CALHM4: variants seen among roughly 807,000 people sequenced by gnomAD.
CALHM4 encodes calcium homeostasis modulator family member 4, also known as calcium homeostasis modulator protein 4.
CALHM4 carries 16 observed loss-of-function variants against 13.3 expected under a neutral mutation model. The observed-to-expected ratio is 1.20, with a 90% CI of 0.81 to 1.82. The LOEUF is 1.82. Among genes scored for constraint, CALHM4 ranks in the 40% most tolerant of loss-of-function variants. The pLI is 0.00. For synonymous variants in CALHM4, 127 were observed against 137.1 expected (o/e 0.93, Z 0.52); for missense variants, 344 against 374.9 (o/e 0.92, Z 0.68).
At chr6:116,534,732 C>A (rs1330892542) in intron 1 of CALHM4, among the ~76,000 whole-genome samples, 2 of 152,004 alleles carry the variant, frequency 1.3e-5, no homozygotes, top group African/African-American at 4.8e-5. Context: ...TTACTCATCC[C>A]CCAAAATCAT....
chr6:116,551,449 C>T (rs543771162), upstream of CALHM4, among the ~76,000 whole-genome samples: 19 of 152,124 alleles, frequency 1.2e-4, no homozygotes, highest in Non-Finnish European at 2.1e-4. Flanking sequence ...TTATTTCATC[C>T]GGAAAATTAT....
At chr6:116,537,593 T>A (rs1189020097) in intron 1 of CALHM4, among the ~76,000 whole-genome samples, 1 of 152,182 alleles carries the variant, frequency 6.6e-6, no homozygotes, top group African/African-American at 2.4e-5. Context: ...TCTGGAGCAT[T>A]GAAAGAACTC....
upstream of CALHM4, among the ~76,000 whole-genome samples, chr6:116,549,328 C>G (rs181869373): frequency 6.6e-6 from 1 of 152,024 alleles, no homozygotes; most frequent in Non-Finnish European, 1.5e-5. Context: ...AAGTATAAGC[C>G]TAAGGAAAGA....
At chr6:116,543,808 T>C in exon 2 of CALHM4, 1 of 1,533,940 alleles carries the variant, frequency 6.5e-7, no homozygotes, top group East Asian at 2.4e-5. Flanking sequence ...GTCTGCACAA[T>C]CCCTAATGGC....
At chr6:116,544,597 T>G (rs1773661256) in intron 2 of CALHM4, among the ~76,000 whole-genome samples, 1 of 152,188 alleles carries the variant, frequency 6.6e-6, no homozygotes, top group Non-Finnish European at 1.5e-5. Context: ...AGGTTATGAA[T>G]GTATCAGGAT....
chr6:116,533,244 C>T (rs917038767), intron 1 of CALHM4, among the ~76,000 whole-genome samples: 3 of 152,174 alleles, frequency 2.0e-5, no homozygotes, highest in African/African-American at 7.2e-5. Context: ...ATTGAGAAAG[C>T]GAACATAGAT....
rs146048467 is a variant in CALHM4, at chr6:116,539,817, T to C, written c.-108-3948T>C. Among the ~76,000 whole-genome samples, 78 of 152,332 alleles carry C rather than the reference T, an allele frequency of 5.1e-4. No homozygotes were observed. In the East Asian group the frequency reaches 0.012, roughly 23 times the overall value. On this transcript the variant is annotated intron_variant, in intron 1 of 2. Transcript: ENST00000368597. ...TAGGCCAAGATTTTTAAAGGCTGGC[T>C]AAAGATGCATTTTCCGGTTTAATTT...
At chr6:116,540,728 T>C (rs1334966672) in intron 1 of CALHM4, among the ~76,000 whole-genome samples, 2 of 151,996 alleles carry the variant, frequency 1.3e-5, no homozygotes, top group Non-Finnish European at 2.9e-5. Flanking sequence ...AAGTTGACAA[T>C]ATAAATTAAA....
At chr6:116,543,648 A>G (rs1773597260) in intron 1 of CALHM4, 2 of 681,452 alleles carry the variant, frequency 2.9e-6, no homozygotes, top group Admixed American at 2.9e-5. Flanking sequence ...ACATCTTTCT[A>G]TGCATTTGCT....
chr6:116,538,132 T>C (rs1773209640), intron 1 of CALHM4, among the ~76,000 whole-genome samples: 2 of 152,232 alleles, frequency 1.3e-5, no homozygotes, highest in African/African-American at 4.8e-5. Flanking sequence ...CCTTATGTTC[T>C]TCTGATTAAA....
intron 1 of CALHM4, among the ~76,000 whole-genome samples, chr6:116,540,058 A>C (rs925623396): frequency 5.9e-5 from 9 of 152,168 alleles, no homozygotes; most frequent in Admixed American, 5.9e-4. Context: ...TGGGGCATGC[A>C]TGTTTTAAGG....
chr6:116,543,787 A>G (rs1274336496), exon 2 of CALHM4: 4 of 1,525,880 alleles, frequency 2.6e-6, no homozygotes, highest in Admixed American at 2.0e-5. Flanking sequence ...ATTGGATAAG[A>G]CTTCTCAGGC....
chr6:116,556,156 T>C (rs2115296153), intron 1 of CALHM4, among the ~76,000 whole-genome samples: 2 of 152,358 alleles, frequency 1.3e-5, no homozygotes, highest in East Asian at 3.9e-4. Flanking sequence ...TTTTTAATAA[T>C]TTAGGCTTTT....
upstream of CALHM4, among the ~76,000 whole-genome samples, chr6:116,549,936 A>C (rs1414598642): frequency 6.8e-6 from 1 of 147,208 alleles, no homozygotes; most frequent in Non-Finnish European, 1.5e-5. Context: ...AGATCATGCC[A>C]TTGCACTCCA....
chr6:116,532,340 A>G (rs1403977233), intron 1 of CALHM4, among the ~76,000 whole-genome samples: 2 of 152,050 alleles, frequency 1.3e-5, no homozygotes, highest in South Asian at 2.1e-4. Context: ...GGCTCAAGCT[A>G]TCCTTCCGCG....
chr6:116,543,574 G>A (rs1269428734), intron 1 of CALHM4, among the ~76,000 whole-genome samples: 2 of 151,958 alleles, frequency 1.3e-5, no homozygotes, highest in Non-Finnish European at 2.9e-5. Flanking sequence ...ATTCACATTT[G>A]GATACATTGA....
chr6:116,558,363 A>C lies in CALHM4; in HGVS notation c.*152A>C. ...ATCTCAAATATTATTTCTAAAATCA[A>C]TCTATTAGATAATTGTGCCAATCTC... is the stretch of plus-strand genomic sequence containing the variant. On this transcript the variant is annotated 3_prime_UTR_variant, in exon 2 of 2. Transcript: ENST00000368596. 1.1e-6 allele frequency: 1 copy of C among 915,424 alleles called. No individual in the cohort carries two copies. The highest frequency in any genetic ancestry group is 1.6e-6 in the Non-Finnish European group (1 of 644,868). 56.7% of individuals were successfully genotyped at this position (915,424 alleles called of 1,614,324 possible).
intron 1 of CALHM4, 81 bp downstream of exon 1, chr6:116,554,432 CT>C (rs1774219289): frequency 8.5e-7 from 1 of 1,172,190 alleles, no homozygotes; most frequent in African/African-American, 1.6e-5. Context: ...ATTCCTACTG[CT>C]TCTTATATTC....
chr6:116,540,412 C>T, intron 1 of CALHM4: 1 of 1,551,326 alleles, frequency 6.4e-7, no homozygotes, highest in East Asian at 2.4e-5. Flanking sequence ...TCTTCCCACG[C>T]AGGATCGAGC....
Sources: allele counts gnomAD v4.1 joint callset (sites outside exome capture counted in the v4.1 genomes callset), GRCh38; gene constraint gnomAD v4.1.1; transcripts MANE v1.5; gene names NCBI Gene and HGNC (gene_info 2026-07-23, HGNC 2026-07-21).